Variants in ASIC1 observed in about 807,000 individuals in gnomAD.
ASIC1 encodes the protein acid-sensing ion channel 1.
A neutral mutation model predicts 63.4 loss-of-function variants in ASIC1; 21 were observed. The ratio of observed to expected loss-of-function variants is 0.33; its 90% confidence interval spans 0.23 to 0.48. The LOEUF (loss-of-function observed/expected upper bound fraction) is 0.48. Among genes scored for constraint, ASIC1 ranks in the 20% least tolerant of loss-of-function variants. The probability of loss-of-function intolerance (pLI) is 0.99; values close to 1 mark genes in which losing one functional copy is unlikely to be tolerated. For missense variants in ASIC1, 478 were observed against 695.5 expected, an observed-to-expected ratio of 0.69 and a Z score of 3.52; for synonymous variants, 258 against 278.2, an observed-to-expected ratio of 0.93 and a Z score of 0.72.
At chr12:50,069,468 A>G (rs1195354954) in intron 3 of ASIC1, among the ~76,000 whole-genome samples, 1 of 151,800 alleles carries the variant, frequency 6.6e-6, no homozygotes, top group Non-Finnish European at 1.5e-5. Context: ...TAATTTTTGT[A>G]TTTTTAGTAG....
At chr12:50,069,148 G>A (rs1231418200) in intron 3 of ASIC1, among the ~76,000 whole-genome samples, 3 of 151,884 alleles carry the variant, frequency 2.0e-5, no homozygotes, top group Admixed American at 1.3e-4. Flanking sequence ...TCTCTCTCTG[G>A]AATATCCTCC....
At chr12:50,058,682 C>T in intron 1 of ASIC1, 69 bp from the exon 2 acceptor site, 2 of 1,505,794 alleles carry the variant, frequency 1.3e-6, no homozygotes, top group Admixed American at 2.2e-5. Flanking sequence ...TGGATGGGCA[C>T]ATGTGGAGGG....
intron 3 of ASIC1, chr12:50,073,689 C>T (rs2137834177): frequency 6.5e-7 from 1 of 1,536,494 alleles, no homozygotes; most frequent in Non-Finnish European, 8.7e-7. Context: ...AGCAGCAGGA[C>T]ATCTCAGAAT....
Position 50,081,382 on chromosome 12 carries a change from G to C in ASIC1, c.1482+18G>C, listed in dbSNP as rs1416225575. 3.2e-6 allele frequency: 5 copies of C among 1,570,208 alleles called. No homozygotes were observed. Among genetic ancestry groups the C allele is most frequent in the Non-Finnish European group, 4.3e-6 (5 of 1,157,628 alleles). On this transcript the variant is annotated intron_variant, in intron 11 of 11. Coordinates refer to ENST00000447966, the MANE Select transcript of ASIC1 (RefSeq NM_001095.4). Reference sequence around the variant, plus strand: ...AAAGACACGTGAGGGAGCGAGCGAGGGCGCCCTCCAGCCCGCCTGTGCCTC... The same window carrying C: ...AAAGACACGTGAGGGAGCGAGCGAGCGCGCCCTCCAGCCCGCCTGTGCCTC...
At chr12:50,081,391 C>CA in intron 11 of ASIC1, 27 bp downstream of exon 11, 1 of 1,557,856 alleles carries the variant, frequency 6.4e-7, no homozygotes, top group East Asian at 2.4e-5. Flanking sequence ...GGGCGCCCTC[C>CA]AGCCCGCCTG....
In ASIC1 at chr12:50,079,099, C is replaced by T. The variant is rs1330976987; in HGVS notation, c.1051+119C>T. On this transcript the variant is annotated intron_variant, in intron 7 of 11. Transcript: ENST00000447966. ...CATAACTCCTGGACTGGGCTGCACC[C>T]TCTCTTGTGTCTGACATTAAAGCTG... 4 of 983,524 alleles carry T rather than the reference C, an allele frequency of 4.1e-6. No individual in the cohort carries two copies. In the South Asian group the frequency reaches 4.3e-5, roughly 11 times the overall value. 60.9% of individuals were successfully genotyped at this position (983,524 alleles called of 1,614,324 possible).
intron 3 of ASIC1, among the ~76,000 whole-genome samples, chr12:50,075,648 G>C (rs1002668256): frequency 3.0e-4 from 46 of 152,178 alleles, no homozygotes; most frequent in African/African-American, 9.7e-4. Flanking sequence ...TTCTAGGAAG[G>C]GGGAAGGGGG....
rs1167212022 is a variant in ASIC1 at position 50,080,008 on chromosome 12, A to G, written c.1158A>G (p.Ser386=). The G allele has an allele frequency of 6.2e-7, 1 of 1,613,954 alleles. No individual in the cohort carries two copies. Residue 386 remains serine, a synonymous_variant, in exon 8 of 12, where the codon TCA becomes TCG. Coordinates refer to ENST00000447966, the MANE Select transcript of ASIC1 (RefSeq NM_001095.4). The part of the protein sequence containing the change: ...LSMVKIPSKA[S]AKYLAKKFNK... ...TGGTCAAGATCCCCAGCAAAGCCTC[A>G]GCCAAGTACCTGGCCAAGAAGTTCA...
Position 50,058,894 on chromosome 12 carries a change from G to C in ASIC1, c.128G>C (p.Arg43Pro). Residue 43 changes from arginine (R) to proline (P), a missense_variant, in exon 2 of 12, where the codon CGG becomes CCG. Physicochemically the swap from Arg to Pro is moderately radical, Grantham distance 103 (BLOSUM62 -2). Around this residue, in one of 3 missense-constraint regions of ASIC1, gnomAD observed 290 missense variants for 414.9 expected, o/e 0.70. Coordinates refer to ENST00000447966, the MANE Select transcript of ASIC1 (RefSeq NM_001095.4). ...IFSYERLSLK[R>P]ALWALCFLGS... ...TCCTACGAGCGGCTGTCTCTGAAGC[G>C]GGCACTGTGGGCCCTGTGCTTCCTG... 6.2e-7 allele frequency: 1 copy of C among 1,614,102 alleles called. No individual in the cohort carries two copies. Among genetic ancestry groups the C allele is most frequent in the Non-Finnish European group, 8.5e-7 (1 of 1,180,014 alleles).
chr12:50,078,758 C>T lies in ASIC1; in HGVS notation c.995-166C>T. 1.5e-6 allele frequency: 2 copies of T among 1,323,898 alleles called. No individual in the cohort carries two copies. The highest frequency in any genetic ancestry group is 2.4e-5 in the South Asian group (2 of 84,132). The allele number at this position is 1,323,898 out of a possible 1,614,324, so 82.0% of individuals were successfully genotyped here. A position where few individuals can be genotyped will look rare whatever the true frequency, so the allele number is the denominator to read the frequency against. The stretch of plus-strand genomic sequence containing the variant: ...ACCCCCAGGGATGGGTGGGAAGGGT[C>T]TAGAAGGTATGGACCTGGAGTGGGT... On this transcript the variant is annotated intron_variant, in intron 6 of 11. Coordinates refer to ENST00000447966, the MANE Select transcript of ASIC1 (RefSeq NM_001095.4). The surrounding 1 kb of genome is among the most constrained non-coding windows in gnomAD (Gnocchi z 6.0).
chr12:50,071,992 G>A (rs1950604336), intron 3 of ASIC1, among the ~76,000 whole-genome samples: 1 of 152,198 alleles, frequency 6.6e-6, no homozygotes, highest in African/African-American at 2.4e-5. Flanking sequence ...AGTGGCAGAA[G>A]GATGGAGAGG....
rs1317223791 is a variant in ASIC1, at chr12:50,081,904, T to G, written c.*255T>G. The G allele has an allele frequency of 2.0e-6, 1 of 510,386 alleles. No individual in the cohort carries two copies. The highest frequency in any genetic ancestry group is 1.9e-5 in the African/African-American group (1 of 51,472). 31.6% of individuals were successfully genotyped at this position (510,386 alleles called of 1,614,324 possible). On this transcript the variant is annotated 3_prime_UTR_variant, in exon 12 of 12. Transcript: ENST00000447966. ...GGGGCAAGGGACCTCAGGCTGCCCC[T>G]CTCTCCTCCATGCTGCCTCCCCTAG...
intron 11 of ASIC1, 53 bp from the exon 12 acceptor site, chr12:50,081,492 A>G (rs1950718786): frequency 1.3e-6 from 2 of 1,583,534 alleles, no homozygotes; most frequent in South Asian, 1.1e-5. Context: ...CCCCAGCACT[A>G]CCTGAAGCCC....
intron 3 of ASIC1, among the ~76,000 whole-genome samples, chr12:50,071,792 C>T (rs772308808): frequency 7.9e-5 from 12 of 152,180 alleles, no homozygotes; most frequent in Non-Finnish European, 1.3e-4. Flanking sequence ...ACTACAGGTG[C>T]GTGCCACCAT....
rs1372489965 is a variant in ASIC1, at chr12:50,083,077, C to T, written c.*1428C>T. The T allele has an allele frequency of 6.5e-6, 1 of 152,674 alleles. No homozygotes were observed. The highest frequency in any genetic ancestry group is 6.5e-5 in the Admixed American group (1 of 15,286). The allele number at this position is 152,674 out of a possible 1,614,324, so 9.5% of individuals were successfully genotyped here. A position where few individuals can be genotyped will look rare whatever the true frequency, so the allele number is the denominator to read the frequency against. ...AGAAGGGAGCTGGGGATTGGCGACT[C>T]CTGAAGTTGGGGCAGTGGGATGCTG... On this transcript the variant is annotated 3_prime_UTR_variant, in exon 12 of 12. Coordinates refer to ENST00000447966, the MANE Select transcript of ASIC1 (RefSeq NM_001095.4).
intron 3 of ASIC1, among the ~76,000 whole-genome samples, chr12:50,068,015 A>T (rs1034057078): frequency 3.9e-5 from 6 of 152,206 alleles, no homozygotes; most frequent in Non-Finnish European, 7.3e-5. Context: ...GCTGTTTCCT[A>T]GTCAATGCTA....
At position 50,082,523 on chromosome 12, in the gene ASIC1, A is replaced by G. The variant is rs1804771; in HGVS notation, c.*874A>G. On this transcript the variant is annotated 3_prime_UTR_variant, in exon 12 of 12. Transcript: ENST00000447966. ...TTCCCCAACTTCATTTGCTTCTCTC[A>G]ACAACCTCATCTGCATTTTCTATTT... 6.6e-6 allele frequency: 1 copy of G among 152,446 alleles called. No homozygotes were observed. The highest frequency in any genetic ancestry group is 1.5e-5 in the Non-Finnish European group (1 of 68,036). The allele number at this position is 152,446 out of a possible 1,614,324, so 9.4% of individuals were successfully genotyped here.
In ASIC1 at chr12:50,078,225, C is replaced by A. The variant is rs1490970269; in HGVS notation, c.837+98C>A. On this transcript the variant is annotated intron_variant, in intron 5 of 11. Coordinates refer to ENST00000447966, the MANE Select transcript of ASIC1 (RefSeq NM_001095.4). The surrounding 1 kb of genome is among the most constrained non-coding windows in gnomAD (Gnocchi z 6.0). ...AATGGGAAGGACAGGTGAGCAAGGACCTGGGTGGTAATCTGGCTAGTCAGA... is the reference window on the plus strand; with the variant it reads ...AATGGGAAGGACAGGTGAGCAAGGAACTGGGTGGTAATCTGGCTAGTCAGA... 1.1e-5 allele frequency: 17 copies of A among 1,538,832 alleles called. No homozygotes were observed. The highest frequency in any genetic ancestry group is 1.5e-5 in the Non-Finnish European group (17 of 1,144,248).
At chr12:50,068,455 CT>C (rs1320665217) in intron 3 of ASIC1, among the ~76,000 whole-genome samples, 2 of 152,042 alleles carry the variant, frequency 1.3e-5, no homozygotes, top group Admixed American at 6.6e-5. Context: ...CAAATCAGAC[CT>C]TTTTTTCTAT....
Sources: gnomAD v4.1 joint callset for allele counts (sites outside exome capture counted in the v4.1 genomes callset) on GRCh38, gnomAD v4.1.1 for gene constraint, gnomAD v4.1.1 regional missense constraint, Gnocchi (gnomAD v3.1) non-coding constraint, MANE v1.5 for transcripts, NCBI Gene and HGNC (gene_info 2026-07-23, HGNC 2026-07-21) for gene names.